MYO1E: variants seen among roughly 807,000 people sequenced by gnomAD.
MYO1E encodes myosin IE.
Under a neutral mutation model 151.1 loss-of-function variants are expected in MYO1E, and 68 were observed. The observed-to-expected ratio is 0.45, with a 90% CI of 0.37 to 0.55. MYO1E has a LOEUF of 0.55. Ranked by LOEUF, MYO1E falls within the 20% of genes least tolerant of loss-of-function variation. The pLI, the probability that MYO1E is intolerant of heterozygous loss-of-function variation, is 0.00. For missense variants in MYO1E, 1,363 were observed against 1,389.3 expected (o/e 0.98, Z 0.30); for synonymous variants, 601 against 501.7 (o/e 1.20, Z -2.64).
chr15:59,297,630 G>C (rs764570785), intron 1 of MYO1E, among the ~76,000 whole-genome samples: 1 of 151,664 alleles, frequency 6.6e-6, no homozygotes, highest in African/African-American at 2.4e-5. Flanking sequence ...GGCCTGGGCT[G>C]GAGTACAGTG....
intron 1 of MYO1E, among the ~76,000 whole-genome samples, chr15:59,349,881 A>G (rs1385242278): frequency 6.6e-6 from 1 of 152,208 alleles, no homozygotes; most frequent in Non-Finnish European, 1.5e-5. Flanking sequence ...AAATGATATC[A>G]TTTCCCTAAA....
At chr15:59,272,884 A>T (rs1333560230) in intron 1 of MYO1E, among the ~76,000 whole-genome samples, 1 of 152,242 alleles carries the variant, frequency 6.6e-6, no homozygotes. Context: ...AACGACATAG[A>T]AACTTTCTAG....
At chr15:59,172,580 A>G (rs372979403) in intron 21 of MYO1E, among the ~76,000 whole-genome samples, 84 of 152,334 alleles carry the variant, frequency 5.5e-4, no homozygotes, top group African/African-American at 1.9e-3. Flanking sequence ...TTTTGACTTA[A>G]AAACTGGCAA....
At chr15:59,246,555 T>C (rs1175928397) in intron 4 of MYO1E, among the ~76,000 whole-genome samples, 3 of 152,238 alleles carry the variant, frequency 2.0e-5, no homozygotes, top group East Asian at 1.9e-4. Context: ...CCTTTCTAAC[T>C]CAGGTCAGGC....
Position 59,280,158 on chromosome 15 carries a change from G to T in MYO1E, c.4-7709C>A, listed in dbSNP as rs7167115. On this transcript the variant is annotated intron_variant, in intron 1 of 27. Coordinates refer to ENST00000288235, the MANE Select transcript of MYO1E (RefSeq NM_004998.4). ...TTTTTTAACAATAGGCTCCCAGAAA[G>T]AAGAGACACGACAGCTTTCTTTTAC... Among the ~76,000 whole-genome samples, 1,357 of 152,282 alleles carry T rather than the reference G, an allele frequency of 8.9e-3. 17 individuals carry two copies. The highest frequency in any genetic ancestry group is 0.03 in the African/African-American group (1,255 of 41,560).
rs138777266 is a variant in MYO1E at position 59,304,661 on chromosome 15, T to C, written c.4-32212A>G. 2.6e-5 allele frequency among the ~76,000 whole-genome samples: 4 copies of C among 152,346 alleles called. No individual in the cohort carries two copies. The East Asian group carries it at 7.7e-4, about 29-fold the overall frequency. On this transcript the variant is annotated intron_variant, in intron 1 of 27. Coordinates refer to ENST00000288235, the MANE Select transcript of MYO1E (RefSeq NM_004998.4). Reference sequence around the variant, plus strand: ...TCTGCTGAAACTATGCTCTGTTGCATCCTTAGCCCGTGATCTGGTTAGGGC... The same window carrying C: ...TCTGCTGAAACTATGCTCTGTTGCACCCTTAGCCCGTGATCTGGTTAGGGC...
chr15:59,208,189 G>C (rs1278256097), intron 14 of MYO1E: 6 of 1,066,854 alleles, frequency 5.6e-6, no homozygotes, highest in Non-Finnish European at 8.0e-6. Flanking sequence ...ATGGAAACAG[G>C]AAAGTAGGTA....
intron 1 of MYO1E, among the ~76,000 whole-genome samples, chr15:59,361,621 G>A (rs2080885808): frequency 6.6e-6 from 1 of 152,104 alleles, no homozygotes; most frequent in African/African-American, 2.4e-5. Context: ...TCTGAACTGA[G>A]AAAAGATGTT....
Position 59,299,227 on chromosome 15 carries a change from G to A in MYO1E, c.4-26778C>T, listed in dbSNP as rs376355899. Among the ~76,000 whole-genome samples the A allele has an allele frequency of 1.4e-4, 22 of 152,298 alleles. No individual in the cohort carries two copies. In the East Asian group the frequency reaches 3.9e-3, roughly 27 times the overall value. ...CAGGTTTTCCATTTTGACGGTAAAA[G>A]GTTTACATTTAGGATTCATTTATCC... On this transcript the variant is annotated intron_variant, in intron 1 of 27. Coordinates refer to ENST00000288235, the MANE Select transcript of MYO1E (RefSeq NM_004998.4).
intron 1 of MYO1E, among the ~76,000 whole-genome samples, chr15:59,309,837 T>C (rs2080538756): frequency 6.6e-6 from 1 of 152,238 alleles, no homozygotes; most frequent in African/African-American, 2.4e-5. Context: ...GAGAAGCTTG[T>C]CTGGATAGGC....
Position 59,159,191 on chromosome 15 carries a change from G to A in MYO1E, c.2786-812C>T, listed in dbSNP as rs1046466275. Among the ~76,000 whole-genome samples the A allele has an allele frequency of 6.6e-5, 10 of 152,230 alleles. No individual in the cohort carries two copies. Among genetic ancestry groups the A allele is most frequent in the Admixed American group, 5.9e-4 (9 of 15,286 alleles). ...CAAAGGAGCTGCAGCTCTAGGGCCT[G>A]GGAGAACCGACCACGTGGGATCGGG... On this transcript the variant is annotated intron_variant, in intron 24 of 27. Coordinates refer to ENST00000288235, the MANE Select transcript of MYO1E (RefSeq NM_004998.4). This position sits in a 1 kb window ranked among gnomAD's most constrained non-coding sequence, Gnocchi z 4.4.
intron 22 of MYO1E, among the ~76,000 whole-genome samples, chr15:59,165,858 G>A (rs1486312887): frequency 6.6e-6 from 1 of 152,206 alleles, no homozygotes; most frequent in African/African-American, 2.4e-5. Context: ...GGCCTTTGGG[G>A]TGAGGAATGA....
intron 21 of MYO1E, 84 bp from the exon 22 acceptor site, chr15:59,172,126 G>A (rs1879487376): frequency 6.7e-7 from 1 of 1,503,160 alleles, no homozygotes; most frequent in Admixed American, 1.8e-5. Flanking sequence ...GGAGGCCGAG[G>A]CGGGTGAATC....
intron 26 of MYO1E, among the ~76,000 whole-genome samples, chr15:59,147,596 CAA>C (rs748173480): frequency 3.0e-5 from 2 of 66,094 alleles, no homozygotes; most frequent in Non-Finnish European, 2.6e-5. Context: ...GACTCTGTCT[CAA>C]AAAAAAAAAA....
In MYO1E at chr15:59,153,740, G is replaced by C. The variant is rs766195298; in HGVS notation, c.2930C>G (p.Ala977Gly). Residue 977 changes from alanine (A) to glycine (G), a missense_variant, in exon 26 of 28, where the codon GCT (alanine) becomes GGT (glycine). Coordinates refer to ENST00000288235, the MANE Select transcript of MYO1E (RefSeq NM_004998.4). ...IRNQYVPYPHAPGSQRSNQKS... is the reference protein window; with the variant it reads ...IRNQYVPYPHGPGSQRSNQKS... ...CTGATTGGACCTCTGGCTTCCAGGA[G>C]CATGGGGATATGGCACATACTGGTT... is the stretch of plus-strand genomic sequence containing the variant. 1 of 1,614,116 alleles carries C rather than the reference G, an allele frequency of 6.2e-7. No individual in the cohort carries two copies.
rs368761394 is a variant in MYO1E at position 59,216,666 on chromosome 15, GTATATA to G, written c.1107+1219_1107+1224del. On this transcript the variant is annotated intron_variant, in intron 10 of 27. Transcript: ENST00000288235. ...CCAGTGTGTGTGTGTGTGTGTATGTGTATATATATATATATATATACACATACACAC... is the reference window on the plus strand; with the variant it reads ...CCAGTGTGTGTGTGTGTGTGTATGTGTATATATATATATACACATACACAC... Among the ~76,000 whole-genome samples, 11 of 30,890 alleles carry G rather than the reference GTATATA, an allele frequency of 3.6e-4. 1 individual carries two copies. The highest frequency in any genetic ancestry group is 2.8e-3 in the South Asian group (2 of 714). The allele number at this position is 30,890 out of a possible 152,430, so 20.3% of individuals were successfully genotyped here. A position where few individuals can be genotyped will look rare whatever the true frequency, so the allele number is the denominator to read the frequency against.
rs375140087 is a variant in MYO1E, at chr15:59,277,208, T to G, written c.4-4759A>C. ...AGCAATTTAGAAATCGGTATTGAAA[T>G]TTTAGACACACAGACCAATATATAA... On this transcript the variant is annotated intron_variant, in intron 1 of 27. Transcript: ENST00000288235. Among the ~76,000 whole-genome samples the G allele has an allele frequency of 1.3e-3, 195 of 152,188 alleles. 1 individual carries two copies. Among genetic ancestry groups the G allele is most frequent in the African/African-American group, 4.2e-3 (176 of 41,524 alleles).
At chr15:59,162,890 G>A (rs189301690) in intron 23 of MYO1E, among the ~76,000 whole-genome samples, 1 of 152,000 alleles carries the variant, frequency 6.6e-6, no homozygotes, top group Non-Finnish European at 1.5e-5. Context: ...ATCTGCCTTT[G>A]TCTGCCTCAT....
chr15:59,313,378 C>T (rs1428200908), intron 1 of MYO1E, among the ~76,000 whole-genome samples: 1 of 152,184 alleles, frequency 6.6e-6, no homozygotes, highest in African/African-American at 2.4e-5. Flanking sequence ...AAGGAAGCAA[C>T]ACAGGTCTGA....
Sources: gnomAD v4.1 joint callset for allele counts (sites outside exome capture counted in the v4.1 genomes callset) on GRCh38, gnomAD v4.1.1 for gene constraint, Gnocchi (gnomAD v3.1) non-coding constraint, MANE v1.5 for transcripts, NCBI Gene and HGNC (gene_info 2026-07-23, HGNC 2026-07-21) for gene names.